Variants in PARD3B observed in about 807,000 individuals in gnomAD.
PARD3B encodes par-3 family cell polarity regulator beta, also known as partitioning defective 3 homolog B.
Under a neutral mutation model 130.2 loss-of-function variants are expected in PARD3B, and 103 were observed. The ratio of observed to expected loss-of-function variants is 0.79; its 90% CI spans 0.67 to 0.93. PARD3B has a LOEUF of 0.93. PARD3B is among the 40% of genes least tolerant of loss of function. The probability of loss-of-function intolerance (pLI) is 0.00; values close to 1 mark genes in which losing one functional copy is unlikely to be tolerated. For missense variants in PARD3B, 1,609 were observed against 1,499.2 expected (o/e 1.07, Z -1.21); for synonymous variants, 583 against 553.2 (o/e 1.05, Z -0.76).
chr2:205,155,732 T>C (rs1422577851), intron 10 of PARD3B, among the ~76,000 whole-genome samples: 4 of 152,286 alleles, frequency 2.6e-5, no homozygotes, highest in East Asian at 1.9e-4. Flanking sequence ...TTTTAATGAT[T>C]GCCATTCTAA....
At chr2:205,495,172 C>T (rs1393409648) in intron 20 of PARD3B, among the ~76,000 whole-genome samples, 1 of 152,164 alleles carries the variant, frequency 6.6e-6, no homozygotes, top group African/African-American at 2.4e-5. Flanking sequence ...AAATCCATTA[C>T]AACTTTAAGC....
Position 205,125,515 on chromosome 2 carries a change from G to C in PARD3B, c.1306-94G>C. 7.2e-7 allele frequency: 1 copy of C among 1,389,496 alleles called. No individual in the cohort carries two copies. Among genetic ancestry groups the C allele is most frequent in the South Asian group, 1.4e-5 (1 of 72,122 alleles). 86.1% of individuals were successfully genotyped at this position (1,389,496 alleles called of 1,614,324 possible). On this transcript the variant is annotated intron_variant, in intron 9 of 22. Coordinates refer to ENST00000406610, the MANE Select transcript of PARD3B (RefSeq NM_001302769.2). The surrounding 1 kb of genome is among the most constrained non-coding windows in gnomAD (Gnocchi z 4.0). ...CTTTTCAGAGCTTCCTCAAGTATGG[G>C]AGCCCATTTGCTTCTTGTTTTCAAA... is the stretch of plus-strand genomic sequence containing the variant.
rs561380628 is a variant in PARD3B at position 205,087,047 on chromosome 2, A to G, written c.505-17379A>G. Among the ~76,000 whole-genome samples the G allele has an allele frequency of 4.6e-5, 7 of 152,312 alleles. No individual in the cohort carries two copies. The East Asian group carries it at 7.7e-4, about 17-fold the overall frequency. ...CTTCCAAGTGTGTTTAACAGTTCAT[A>G]TTAAGGCAATTGCTGTCAAAATTAA... On this transcript the variant is annotated intron_variant, in intron 4 of 22. Coordinates refer to ENST00000406610, the MANE Select transcript of PARD3B (RefSeq NM_001302769.2).
intron 12 of PARD3B, among the ~76,000 whole-genome samples, chr2:205,173,578 T>C (rs1010822268): frequency 2.0e-5 from 3 of 152,222 alleles, no homozygotes; most frequent in African/African-American, 7.2e-5. Flanking sequence ...TTATATACTC[T>C]ATCTTACTTT....
chr2:204,616,051 C>T (rs1047763675), intron 1 of PARD3B, among the ~76,000 whole-genome samples: 4 of 152,072 alleles, frequency 2.6e-5, no homozygotes, highest in Admixed American at 1.3e-4. Flanking sequence ...ACCTAGATGA[C>T]CTTGAGTATG....
At chr2:205,361,882 ATCT>A (rs2044402226) in intron 18 of PARD3B, among the ~76,000 whole-genome samples, 2 of 151,914 alleles carry the variant, frequency 1.3e-5, no homozygotes, top group African/African-American at 2.4e-5. Context: ...TACCCCACTC[ATCT>A]TCTCCACCCC....
At chr2:204,862,451 A>AT (rs2045248209) in intron 2 of PARD3B, among the ~76,000 whole-genome samples, 2 of 152,212 alleles carry the variant, frequency 1.3e-5, no homozygotes, top group African/African-American at 4.8e-5. Context: ...GCATATATGA[A>AT]TAGATGTTTG....
intron 18 of PARD3B, among the ~76,000 whole-genome samples, chr2:205,334,387 C>G (rs760739573): frequency 6.6e-6 from 1 of 152,126 alleles, no homozygotes; most frequent in East Asian, 1.9e-4. Context: ...AATGTTAGCA[C>G]GTGGTCACAT....
chr2:205,205,091 T>C (rs2037209543), intron 15 of PARD3B, among the ~76,000 whole-genome samples: 1 of 152,170 alleles, frequency 6.6e-6, no homozygotes, highest in Admixed American at 6.5e-5. Flanking sequence ...GCATGGAATG[T>C]TTTTCCATTT....
chr2:204,708,105 G>A (rs2052348), intron 2 of PARD3B, among the ~76,000 whole-genome samples: 115,825 of 151,786 alleles, frequency 0.76, 45,115 homozygotes, highest in East Asian at 0.89. Flanking sequence ...GTGACTGAGG[G>A]AACCTGTCTG....
chr2:205,569,884 C>T (rs2053499253), intron 22 of PARD3B, among the ~76,000 whole-genome samples: 1 of 152,072 alleles, frequency 6.6e-6, no homozygotes, highest in South Asian at 2.1e-4. Flanking sequence ...CTGCTGGAAG[C>T]CTCTGCCGTG....
At chr2:204,867,521 A>G (rs1170111384) in intron 2 of PARD3B, among the ~76,000 whole-genome samples, 1 of 152,186 alleles carries the variant, frequency 6.6e-6, no homozygotes, top group African/African-American at 2.4e-5. Context: ...AATGGGCTGT[A>G]TATAGTATTT....
chr2:204,875,652 C>T (rs953874080), intron 2 of PARD3B, among the ~76,000 whole-genome samples: 2 of 152,162 alleles, frequency 1.3e-5, no homozygotes, highest in Admixed American at 6.5e-5. Context: ...TATGTTGTAA[C>T]TCTTTTATCT....
At chr2:204,933,581 G>A (rs376488865) in intron 2 of PARD3B, among the ~76,000 whole-genome samples, 1 of 152,234 alleles carries the variant, frequency 6.6e-6, no homozygotes, top group Non-Finnish European at 1.5e-5. Context: ...AGAAATAATG[G>A]TTGTGACTGT....
intron 20 of PARD3B, among the ~76,000 whole-genome samples, chr2:205,448,031 G>C (rs1389609308): frequency 2.0e-5 from 3 of 152,178 alleles, no homozygotes; most frequent in East Asian, 1.9e-4. Context: ...ATATGGCCAG[G>C]CTCTGTGCTT....
At chr2:204,889,508 C>T (rs552901198) in intron 2 of PARD3B, among the ~76,000 whole-genome samples, 5 of 152,158 alleles carry the variant, frequency 3.3e-5, no homozygotes, top group Admixed American at 2.0e-4. Context: ...GAACAATAAA[C>T]CAAACAAAGT....
At chr2:204,801,289 A>T (rs982370086) in intron 2 of PARD3B, among the ~76,000 whole-genome samples, 3 of 152,238 alleles carry the variant, frequency 2.0e-5, no homozygotes, top group Non-Finnish European at 4.4e-5. Context: ...CATTGAATCT[A>T]TAAATTACTT....
intron 2 of PARD3B, among the ~76,000 whole-genome samples, chr2:204,833,381 A>G (rs937500821): frequency 5.9e-5 from 9 of 152,134 alleles, no homozygotes; most frequent in African/African-American, 9.7e-5. Flanking sequence ...AACTCCCTGT[A>G]AAGACTCTGC....
chr2:204,726,953 A>G (rs528718165), intron 2 of PARD3B, among the ~76,000 whole-genome samples: 18 of 152,244 alleles, frequency 1.2e-4, no homozygotes, highest in African/African-American at 4.1e-4. Flanking sequence ...CCTTTCTCAG[A>G]CAAGTTGCTT....
Sources: allele counts gnomAD v4.1 joint callset (sites outside exome capture counted in the v4.1 genomes callset), GRCh38; gene constraint gnomAD v4.1.1; non-coding constraint Gnocchi (gnomAD v3.1); transcripts MANE v1.5; gene names NCBI Gene and HGNC (gene_info 2026-07-23, HGNC 2026-07-21).